SLC4A10: variants seen among roughly 807,000 people sequenced by gnomAD.
SLC4A10 encodes the protein sodium-driven chloride bicarbonate exchanger.
In SLC4A10, 42 loss-of-function variants were observed where a neutral mutation model predicts 137.7. The ratio of observed to expected loss-of-function variants is 0.30; its 90% CI spans 0.24 to 0.39. SLC4A10 has a LOEUF of 0.39. Ranked by LOEUF, SLC4A10 falls within the 10% of genes least tolerant of loss-of-function variation. The probability of loss-of-function intolerance (pLI) is 1.00; values close to 1 mark genes in which losing one functional copy is unlikely to be tolerated. For synonymous variants in SLC4A10, 474 were observed against 464.1 expected (o/e 1.02, Z -0.27); for missense variants, 925 against 1,355.0 (o/e 0.68, Z 4.98).
rs138077629 is a variant in SLC4A10, at chr2:161,899,782, T to A, written c.1342-1129T>A. ...CCTTTATTAATGTATCCTATTTACC[T>A]GTAAAGACAGTTCCTTCATCAGTTG... On this transcript the variant is annotated intron_variant, in intron 11 of 26. Coordinates refer to ENST00000446997, the MANE Select transcript of SLC4A10 (RefSeq NM_001178015.2). Among the ~76,000 whole-genome samples the A allele has an allele frequency of 9.2e-5, 14 of 152,274 alleles. No individual in the cohort carries two copies. The East Asian group carries it at 2.5e-3, about 27-fold the overall frequency.
intron 22 of SLC4A10, among the ~76,000 whole-genome samples, chr2:161,964,690 T>G (rs1441911384): frequency 6.6e-6 from 1 of 152,194 alleles, no homozygotes; most frequent in Non-Finnish European, 1.5e-5. Flanking sequence ...TTTGAATGAC[T>G]AAATAATTTC....
rs368258530 is a variant in SLC4A10, at chr2:161,925,625, T to A, written c.1998-17167T>A. Among the ~76,000 whole-genome samples the A allele has an allele frequency of 3.0e-4, 46 of 152,324 alleles. 1 individual carries two copies. In the South Asian group the frequency reaches 9.1e-3, roughly 30 times the overall value. On this transcript the variant is annotated intron_variant, in intron 15 of 26. Transcript: ENST00000446997. ...AAGGTGTTTGCTCTTGCTTTTCTGG[T>A]TCTTTTAATTGTGATGTTAGGGTGT... is the stretch of plus-strand genomic sequence containing the variant.
At chr2:161,658,389 G>A (rs990487680) in intron 1 of SLC4A10, among the ~76,000 whole-genome samples, 2 of 152,136 alleles carry the variant, frequency 1.3e-5, no homozygotes, top group Admixed American at 1.3e-4. Flanking sequence ...TTCTTGAAAA[G>A]TTCTTGGTTT....
At chr2:161,947,162 G>T (rs989476080) in intron 16 of SLC4A10, among the ~76,000 whole-genome samples, 2 of 151,966 alleles carry the variant, frequency 1.3e-5, no homozygotes, top group Admixed American at 6.6e-5. Context: ...TTATGGTATT[G>T]GTGTGAAAAG....
chr2:161,908,187 T>A (rs983363450), intron 15 of SLC4A10, among the ~76,000 whole-genome samples: 1 of 151,656 alleles, frequency 6.6e-6, no homozygotes, highest in African/African-American at 2.4e-5. Flanking sequence ...AAACTATGGA[T>A]AATGTCAGGT....
At chr2:161,630,492 T>C (rs957730441) in intron 1 of SLC4A10, among the ~76,000 whole-genome samples, 1 of 151,704 alleles carries the variant, frequency 6.6e-6, no homozygotes, top group African/African-American at 2.4e-5. Context: ...GTCTAGATTT[T>C]AGACTGGCTC....
At chr2:161,654,853 A>C (rs537306706) in intron 1 of SLC4A10, among the ~76,000 whole-genome samples, 1 of 152,106 alleles carries the variant, frequency 6.6e-6, no homozygotes, top group Non-Finnish European at 1.5e-5. Context: ...TGATTTAGCT[A>C]TTTGGGGTTC....
chr2:161,772,619 A>G (rs900689437), intron 2 of SLC4A10, among the ~76,000 whole-genome samples: 1 of 151,888 alleles, frequency 6.6e-6, no homozygotes, highest in Admixed American at 6.6e-5. Context: ...ATTTTGTTCT[A>G]TTTACTGATT....
In SLC4A10 at chr2:161,900,923, A is replaced by T. The variant is rs1461922305; in HGVS notation, c.1354A>T (p.Ile452Phe). 10 of 1,548,822 alleles carry T rather than the reference A, an allele frequency of 6.5e-6. No individual in the cohort carries two copies. The highest frequency in any genetic ancestry group is 7.0e-6 in the Non-Finnish European group (8 of 1,147,538). ...KNVPSQEKRKIPAVPNGTAAH... is the reference protein window; with the variant it reads ...KNVPSQEKRKFPAVPNGTAAH... ...AAACTCTCCACAGGAGAAGAGGAAG[A>T]TTCCTGCTGTACCAAATGGAACAGC... The change falls in exon 12 of 27, where the codon ATT (isoleucine) becomes TTT (phenylalanine). Residue 452 changes from isoleucine (I) to phenylalanine (F), a missense_variant. Coordinates refer to ENST00000446997, the MANE Select transcript of SLC4A10 (RefSeq NM_001178015.2).
At chr2:161,760,146 T>G (rs144582466) in intron 1 of SLC4A10, among the ~76,000 whole-genome samples, 50 of 152,120 alleles carry the variant, frequency 3.3e-4, no homozygotes, top group African/African-American at 1.1e-3. Flanking sequence ...CATATTATTT[T>G]AAAATAGCAC....
At chr2:161,632,852 T>A (rs986707032) in intron 1 of SLC4A10, among the ~76,000 whole-genome samples, 3 of 151,738 alleles carry the variant, frequency 2.0e-5, no homozygotes, top group Non-Finnish European at 3.0e-5. Context: ...CATATATTTT[T>A]AAATTATTTT....
rs1349241951 is a variant in SLC4A10, at chr2:161,965,091, T to A, written c.3077T>A (p.Leu1026Ter). 6.2e-7 allele frequency: 1 copy of A among 1,612,774 alleles called. No homozygotes were observed. The change falls in exon 23 of 27, where the codon TTG (leucine) becomes TAG (stop). Residue 1026 changes from leucine (L) to a stop codon, truncating the protein, a stop_gained. Coordinates refer to ENST00000446997, the MANE Select transcript of SLC4A10 (RefSeq NM_001178015.2). LOFTEE classifies it high-confidence loss of function. ...LVFVRKLMDL[L>*]FTKRELSWLD... is the part of the protein sequence containing the mutation. Reference sequence around the variant, plus strand: ...TTTGTAAGAAAGTTGATGGACTTGTTGTTCACGAAGCGGGAACTCAGCTGG... The same window carrying A: ...TTTGTAAGAAAGTTGATGGACTTGTAGTTCACGAAGCGGGAACTCAGCTGG...
At chr2:161,893,470 A>T (rs1019317475) in intron 10 of SLC4A10, among the ~76,000 whole-genome samples, 5 of 152,048 alleles carry the variant, frequency 3.3e-5, no homozygotes, top group African/African-American at 1.2e-4. Context: ...GCCAAGGTGG[A>T]GGATGGTTTG....
chr2:161,670,004 G>A (rs1159103406), intron 1 of SLC4A10, among the ~76,000 whole-genome samples: 1 of 152,102 alleles, frequency 6.6e-6, no homozygotes, highest in Non-Finnish European at 1.5e-5. Flanking sequence ...GTCTGTGTGT[G>A]TCTTGCTGTT....
At chr2:161,634,695 A>G (rs1247106859) in intron 1 of SLC4A10, among the ~76,000 whole-genome samples, 1 of 152,008 alleles carries the variant, frequency 6.6e-6, no homozygotes, top group Non-Finnish European at 1.5e-5. Context: ...TCAAACACTT[A>G]TCTCTTTATT....
intron 1 of SLC4A10, among the ~76,000 whole-genome samples, chr2:161,727,839 A>G (rs2125159847): frequency 6.6e-6 from 1 of 152,308 alleles, no homozygotes; most frequent in Non-Finnish European, 1.5e-5. Flanking sequence ...AACAAATTTT[A>G]AAATATTATG....
At chr2:161,808,424 T>C (rs972853142) in intron 3 of SLC4A10, among the ~76,000 whole-genome samples, 5 of 152,192 alleles carry the variant, frequency 3.3e-5, no homozygotes, top group African/African-American at 4.8e-5. Context: ...CATGTGTCTT[T>C]CACTTCTTTT....
chr2:161,771,237 C>A (rs1445558236), intron 2 of SLC4A10, among the ~76,000 whole-genome samples, 183 bp downstream of exon 2: 2 of 151,876 alleles, frequency 1.3e-5, no homozygotes, highest in South Asian at 2.1e-4. Context: ...GACCTGAAAT[C>A]AATGAGAAGC....
chr2:161,633,180 T>C (rs1340071693), intron 1 of SLC4A10, among the ~76,000 whole-genome samples: 1 of 151,702 alleles, frequency 6.6e-6, no homozygotes, highest in African/African-American at 2.4e-5. Context: ...ACTTATGATA[T>C]TTTCAGTTTA....
Sources: allele counts gnomAD v4.1 joint callset (sites outside exome capture counted in the v4.1 genomes callset), GRCh38; gene constraint gnomAD v4.1.1; transcripts MANE v1.5; gene names NCBI Gene and HGNC (gene_info 2026-07-23, HGNC 2026-07-21).